The following XKR4 variants were observed in gnomAD, a reference collection of about 807,000 sequenced individuals.
XKR4 encodes XK related 4.
Under a neutral mutation model 53.9 loss-of-function variants are expected in XKR4, and 12 were observed. The ratio of observed to expected loss-of-function variants is 0.22; its 90% confidence interval spans 0.14 to 0.36. The LOEUF is 0.36. XKR4 is among the 10% of genes least tolerant of loss of function. The pLI, the probability that XKR4 is intolerant of heterozygous loss-of-function variation, is 1.00. For missense variants in XKR4, 799 were observed against 859.5 expected, an observed-to-expected ratio of 0.93 and a Z score of 0.88; for synonymous variants, 354 against 362.4, an observed-to-expected ratio of 0.98 and a Z score of 0.26.
Position 55,352,448 on chromosome 8 carries a change from T to C in XKR4, c.807-5230T>C, listed in dbSNP as rs184047137. 1.7e-4 allele frequency among the ~76,000 whole-genome samples: 26 copies of C among 152,376 alleles called. No individual in the cohort carries two copies. In the East Asian group the frequency reaches 4.4e-3, roughly 26 times the overall value. The stretch of plus-strand genomic sequence containing the variant: ...TTAAACTTAAATGCCTTCATTTGCA[T>C]TGATTGACTTTACTGTTTTGTCTTC... On this transcript the variant is annotated intron_variant, in intron 1 of 2. Transcript: ENST00000327381.
intron 2 of XKR4, among the ~76,000 whole-genome samples, chr8:55,431,925 A>G (rs1026229795): frequency 3.3e-5 from 5 of 152,192 alleles, no homozygotes; most frequent in African/African-American, 9.7e-5. Context: ...CATTAATCCA[A>G]TCCTGCTCAC....
chr8:55,453,372 C>A, intron 2 of XKR4: 3 of 452,058 alleles, frequency 6.6e-6, no homozygotes, highest in Admixed American at 2.4e-5. Context: ...AGGTACAGTT[C>A]CCGGGTGAGG....
intron 1 of XKR4, among the ~76,000 whole-genome samples, chr8:55,270,383 A>G (rs1374555494): frequency 6.6e-6 from 1 of 152,004 alleles, no homozygotes; most frequent in Non-Finnish European, 1.5e-5. Context: ...GTCATCTCAA[A>G]TGCTTCCAGT....
chr8:55,251,116 G>T (rs991615081), intron 1 of XKR4, among the ~76,000 whole-genome samples: 1 of 152,246 alleles, frequency 6.6e-6, no homozygotes, highest in Admixed American at 6.5e-5. Flanking sequence ...CGTAAGTACA[G>T]TTACAGGTGT....
At chr8:55,512,096 T>A (rs1806635106) in intron 2 of XKR4, among the ~76,000 whole-genome samples, 1 of 152,130 alleles carries the variant, frequency 6.6e-6, no homozygotes, top group Admixed American at 6.5e-5. Flanking sequence ...GAAAAATGGG[T>A]GAAGTCAAGT....
At chr8:55,380,879 A>G (rs1022950042) in intron 2 of XKR4, among the ~76,000 whole-genome samples, 4 of 152,256 alleles carry the variant, frequency 2.6e-5, no homozygotes, top group African/African-American at 9.6e-5. Context: ...ATTTGATAAA[A>G]GAGTCAAACT....
At chr8:55,416,320 C>T (rs73591638) in intron 2 of XKR4, among the ~76,000 whole-genome samples, 1 of 152,140 alleles carries the variant, frequency 6.6e-6, no homozygotes. Context: ...ATAGAAGAAA[C>T]GTCTGGATTA....
At chr8:55,331,105 G>T (rs559585470) in intron 1 of XKR4, among the ~76,000 whole-genome samples, 1 of 151,958 alleles carries the variant, frequency 6.6e-6, no homozygotes, top group Non-Finnish European at 1.5e-5. Flanking sequence ...GAAACTGTAC[G>T]CATGAAACCA....
intron 1 of XKR4, among the ~76,000 whole-genome samples, chr8:55,293,409 A>G (rs144675844): frequency 6.6e-6 from 1 of 152,250 alleles, no homozygotes; most frequent in Admixed American, 6.5e-5. Context: ...GTGCGAAATT[A>G]TAAATGTTCA....
intron 2 of XKR4, among the ~76,000 whole-genome samples, chr8:55,521,143 C>G (rs1424339170): frequency 6.6e-6 from 1 of 152,216 alleles, no homozygotes; most frequent in African/African-American, 2.4e-5. Context: ...CGGGCAGAAA[C>G]CCAGCTGGGC....
chr8:55,118,538 T>A (rs977322449), intron 1 of XKR4, among the ~76,000 whole-genome samples: 4 of 152,240 alleles, frequency 2.6e-5, no homozygotes, highest in African/African-American at 9.6e-5. Context: ...CAGTCCAGCA[T>A]AGGCAAGTGC....
chr8:55,398,660 A>T (rs1804557735), intron 2 of XKR4, among the ~76,000 whole-genome samples: 1 of 152,200 alleles, frequency 6.6e-6, no homozygotes, highest in Admixed American at 6.5e-5. Flanking sequence ...ACTGAGTACC[A>T]ATCAAGCATC....
intron 2 of XKR4, among the ~76,000 whole-genome samples, chr8:55,425,072 A>T (rs867677340): frequency 1.3e-5 from 2 of 152,120 alleles, no homozygotes; most frequent in African/African-American, 4.8e-5. Context: ...TAATGAGCAC[A>T]CTCAGTTTGC....
At chr8:55,290,695 C>G (rs1049882170) in intron 1 of XKR4, among the ~76,000 whole-genome samples, 1 of 151,752 alleles carries the variant, frequency 6.6e-6, no homozygotes, top group African/African-American at 2.4e-5. Context: ...GGTGAAAATT[C>G]TCTTCATGTT....
At chr8:55,453,347 T>G in intron 2 of XKR4, 1 of 472,762 alleles carries the variant, frequency 2.1e-6, no homozygotes, top group East Asian at 6.7e-5. Context: ...GACCACCCAG[T>G]TCTGTTGCAC....
rs1464983598 is a variant in XKR4 at position 55,465,724 on chromosome 8, T to C, written c.1007-57557T>C. Among the ~76,000 whole-genome samples the C allele has an allele frequency of 1.6e-4, 25 of 152,160 alleles. No homozygotes were observed. In the East Asian group the frequency reaches 4.8e-3, roughly 29 times the overall value. ...AACCTACAGAATGGGAGGAAATTTT[T>C]GCAACCTACTCATCTGACAAAGGGC... On this transcript the variant is annotated intron_variant, in intron 2 of 2. Coordinates refer to ENST00000327381, the MANE Select transcript of XKR4 (RefSeq NM_052898.2).
At chr8:55,338,847 T>C (rs1395886140) in intron 1 of XKR4, among the ~76,000 whole-genome samples, 1 of 152,224 alleles carries the variant, frequency 6.6e-6, no homozygotes, top group Non-Finnish European at 1.5e-5. Flanking sequence ...AAAATCATAC[T>C]TGATTGTTTG....
Position 55,242,545 on chromosome 8 carries a change from G to A in XKR4, c.807-115133G>A, listed in dbSNP as rs77309505. Among the ~76,000 whole-genome samples the A allele has an allele frequency of 4.6e-3, 704 of 152,298 alleles. 5 individuals are homozygous for A. The highest frequency in any genetic ancestry group is 0.016 in the African/African-American group (655 of 41,556). On this transcript the variant is annotated intron_variant, in intron 1 of 2. Coordinates refer to ENST00000327381, the MANE Select transcript of XKR4 (RefSeq NM_052898.2). ...AAAATTGGATATAGAGTAAATAACA[G>A]TATTTTAAGATGTTTGCTAAAAATC...
intron 1 of XKR4, among the ~76,000 whole-genome samples, chr8:55,154,377 C>G (rs1305839277): frequency 6.6e-6 from 1 of 152,136 alleles, no homozygotes; most frequent in Non-Finnish European, 1.5e-5. Context: ...CATATAATAT[C>G]AATCATATGT....
Sources: allele counts gnomAD v4.1 joint callset (sites outside exome capture counted in the v4.1 genomes callset), GRCh38; gene constraint gnomAD v4.1.1; transcripts MANE v1.5; gene names NCBI Gene and HGNC (gene_info 2026-07-23, HGNC 2026-07-21).